The following ADGRL2 variants were observed in gnomAD, a reference collection of about 807,000 sequenced individuals.
ADGRL2 encodes the protein adhesion G protein-coupled receptor L2.
Under a neutral mutation model 157.4 loss-of-function variants are expected in ADGRL2, and 44 were observed. The observed-to-expected ratio is 0.28, with a 90% CI of 0.22 to 0.36. ADGRL2 has a LOEUF of 0.36. Ranked by LOEUF, ADGRL2 falls within the 10% of genes least tolerant of loss-of-function variation. The pLI, the probability that ADGRL2 is intolerant of heterozygous loss-of-function variation, is 1.00. For missense variants in ADGRL2, 1,510 were observed against 1,768.9 expected, an observed-to-expected ratio of 0.85 and a Z score of 2.63; for synonymous variants, 585 against 624.7, an observed-to-expected ratio of 0.94 and a Z score of 0.95.
Position 81,622,950 on chromosome 1 carries a change from C to T in ADGRL2, c.-143+41970C>T, listed in dbSNP as rs191250607. On this transcript the variant is annotated intron_variant, in intron 3 of 24. Coordinates refer to the ADGRL2 transcript ENST00000370721. The stretch of plus-strand genomic sequence containing the variant: ...TTGAAGCAACTGTAAAAATGTCCAA[C>T]ATATTGGGCATTTGGGAAATTTTAT... Among the ~76,000 whole-genome samples, 48 of 152,288 alleles carry T rather than the reference C, an allele frequency of 3.2e-4. No individual in the cohort carries two copies. In the East Asian group the frequency reaches 8.1e-3, roughly 26 times the overall value.
chr1:81,719,884 G>T (rs1373539201), intron 1 of ADGRL2, among the ~76,000 whole-genome samples: 1 of 152,160 alleles, frequency 6.6e-6, no homozygotes, highest in East Asian at 1.9e-4. Flanking sequence ...CCTCTACCTG[G>T]TAGTCTATTT....
At chr1:81,468,073 T>G (rs2078097516) in intron 2 of ADGRL2, among the ~76,000 whole-genome samples, 1 of 152,198 alleles carries the variant, frequency 6.6e-6, no homozygotes, top group Non-Finnish European at 1.5e-5. Flanking sequence ...AGTTTAGATT[T>G]GGTTTTCTCG....
intron 2 of ADGRL2, among the ~76,000 whole-genome samples, chr1:81,837,547 T>C (rs1358591934): frequency 1.3e-5 from 2 of 152,024 alleles, no homozygotes; most frequent in African/African-American, 4.8e-5. Flanking sequence ...TGTGTATATG[T>C]ATATTCTTTG....
At chr1:81,630,149 G>A (rs2081985681) in intron 3 of ADGRL2, among the ~76,000 whole-genome samples, 1 of 151,972 alleles carries the variant, frequency 6.6e-6, no homozygotes, top group Non-Finnish European at 1.5e-5. Flanking sequence ...AGGCATTTTA[G>A]TGACATATTG....
intron 1 of ADGRL2, among the ~76,000 whole-genome samples, chr1:81,381,260 C>T (rs1025781010): frequency 6.6e-6 from 1 of 152,020 alleles, no homozygotes. Context: ...AAAATTTATA[C>T]CCTATATTTG....
chr1:81,917,600 G>A (rs555588500), intron 3 of ADGRL2, among the ~76,000 whole-genome samples: 3 of 152,182 alleles, frequency 2.0e-5, no homozygotes, highest in East Asian at 3.9e-4. Flanking sequence ...AAACTAACAC[G>A]TCACGGTTCT....
chr1:81,414,683 T>C (rs373548836), intron 1 of ADGRL2, among the ~76,000 whole-genome samples: 71 of 152,310 alleles, frequency 4.7e-4, no homozygotes, highest in Middle Eastern at 6.8e-3. Flanking sequence ...GAAGGAAATG[T>C]CTTGGACGTT....
chr1:81,818,878 G>A (rs2090691584), intron 1 of ADGRL2, among the ~76,000 whole-genome samples: 1 of 152,266 alleles, frequency 6.6e-6, no homozygotes, highest in Non-Finnish European at 1.5e-5. Context: ...GAGGAGGATT[G>A]TAGGCTATAT....
At chr1:81,735,381 T>C (rs879315135) in intron 1 of ADGRL2, 47 of 150,518 alleles carry the variant, frequency 3.1e-4, no homozygotes, top group Admixed American at 1.6e-3. Flanking sequence ...CAGTTATTGG[T>C]ACTGGAAAAT....
At chr1:81,596,230 T>C (rs1362837839) in intron 3 of ADGRL2, 3 of 579,520 alleles carry the variant, frequency 5.2e-6, no homozygotes, top group Non-Finnish European at 9.9e-6. Flanking sequence ...TCAAAAGGAC[T>C]GTGCAAGTCA....
intron 1 of ADGRL2, among the ~76,000 whole-genome samples, chr1:81,342,560 A>T (rs1662149561): frequency 6.6e-6 from 1 of 152,204 alleles, no homozygotes; most frequent in Non-Finnish European, 1.5e-5. Context: ...TCATAATTTT[A>T]ACCAAGTACC....
intron 2 of ADGRL2, among the ~76,000 whole-genome samples, chr1:81,862,348 C>A (rs902807188): frequency 5.9e-5 from 9 of 152,030 alleles, no homozygotes; most frequent in Admixed American, 3.3e-4. Context: ...ATGAGCCAAC[C>A]CCTTTTAGGG....
At chr1:81,755,693 G>A (rs1490531151) in intron 1 of ADGRL2, among the ~76,000 whole-genome samples, 3 of 152,096 alleles carry the variant, frequency 2.0e-5, no homozygotes, top group African/African-American at 7.2e-5. Flanking sequence ...CTCCCAGCTG[G>A]TTTTGCTATT....
chr1:81,384,823 G>A (rs1412493388), intron 1 of ADGRL2, among the ~76,000 whole-genome samples: 1 of 152,106 alleles, frequency 6.6e-6, no homozygotes, highest in Non-Finnish European at 1.5e-5. Flanking sequence ...TAATAGATTA[G>A]GGTACAAGGA....
intron 3 of ADGRL2, among the ~76,000 whole-genome samples, chr1:81,650,492 C>G (rs1054908317): frequency 4.0e-5 from 6 of 150,540 alleles, no homozygotes; most frequent in Non-Finnish European, 8.9e-5. Context: ...AGGAGAATTG[C>G]TTGAACCCAG....
At chr1:81,341,460 T>G (rs951771177) in intron 1 of ADGRL2, among the ~76,000 whole-genome samples, 1 of 148,798 alleles carries the variant, frequency 6.7e-6, no homozygotes. Flanking sequence ...TTTTTTTTTG[T>G]TTTTTTATGT....
In ADGRL2 at chr1:81,953,013, G is replaced by A; in HGVS notation, c.1821G>A (p.Arg607=). The A allele has an allele frequency of 5.6e-6, 9 of 1,611,410 alleles. No individual in the cohort carries two copies. The highest frequency in any genetic ancestry group is 7.6e-6 in the Non-Finnish European group (9 of 1,179,060). Residue 607 remains arginine (R), a synonymous_variant, in exon 10 of 24, where the codon AGG becomes AGA. Coordinates refer to ENST00000686636, the MANE Select transcript of ADGRL2 (RefSeq NM_001366006.2). Reference sequence around the variant, plus strand: ...TCCAAAAACGAGAGAAGACATGCAGGGCTTACCTTAAGGTATCTCTCCTGT... The same window carrying A: ...TCCAAAAACGAGAGAAGACATGCAGAGCTTACCTTAAGGTATCTCTCCTGT... ...NKLQKREKTC[R]AYLKAIVDTV...
At chr1:81,850,237 T>C (rs908198999) in intron 2 of ADGRL2, among the ~76,000 whole-genome samples, 23 of 151,944 alleles carry the variant, frequency 1.5e-4, no homozygotes, top group Admixed American at 7.2e-4. Context: ...ATCAGTCTAT[T>C]GTAGTGAGTG....
At chr1:81,566,363 T>A (rs1049166327) in intron 2 of ADGRL2, among the ~76,000 whole-genome samples, 2 of 152,188 alleles carry the variant, frequency 1.3e-5, no homozygotes, top group Non-Finnish European at 2.9e-5. Flanking sequence ...AATGGCCTGT[T>A]CATAATCTTA....
Sources: gnomAD v4.1 joint callset for allele counts (sites outside exome capture counted in the v4.1 genomes callset) on GRCh38, gnomAD v4.1.1 for gene constraint, MANE v1.5 for transcripts, NCBI Gene and HGNC (gene_info 2026-07-23, HGNC 2026-07-21) for gene names.